The following TNFRSF8 variants were observed in gnomAD, a reference collection of about 807,000 sequenced individuals.
TNFRSF8 encodes tumor necrosis factor receptor superfamily member 8.
Under a neutral mutation model 70.8 loss-of-function variants are expected in TNFRSF8, and 26 were observed. The observed-to-expected ratio is 0.37, with a 90% CI of 0.27 to 0.51. TNFRSF8 has a LOEUF of 0.51. TNFRSF8 is among the 20% of genes least tolerant of loss of function. The pLI is 0.94. For missense variants in TNFRSF8, 720 were observed against 807.9 expected (o/e 0.89, Z 1.32); for synonymous variants, 356 against 339.2 (o/e 1.05, Z -0.54).
rs1342365711 is a variant in TNFRSF8 at position 12,090,977 on chromosome 1, T to G, written c.152-6124T>G. Reference sequence around the variant, plus strand: ...CACTAGGATAGGCCCAAATCCAATATGACTGGTGCCTTTATAAAAGGAAAT... The same window carrying G: ...CACTAGGATAGGCCCAAATCCAATAGGACTGGTGCCTTTATAAAAGGAAAT... On this transcript the variant is annotated intron_variant, in intron 2 of 14. Coordinates refer to ENST00000263932, the MANE Select transcript of TNFRSF8 (RefSeq NM_001243.5). Among the ~76,000 whole-genome samples the G allele has an allele frequency of 1.3e-5, 2 of 152,270 alleles. 1 individual carries two copies. Among genetic ancestry groups the G allele is most frequent in the South Asian group, 4.1e-4 (2 of 4,824 alleles).
chr1:12,111,353 C>G (rs945875550), intron 6 of TNFRSF8, among the ~76,000 whole-genome samples: 4 of 151,544 alleles, frequency 2.6e-5, no homozygotes, highest in Non-Finnish European at 5.9e-5. Flanking sequence ...GGCTACTTTT[C>G]TTTTTTTTAG....
chr1:12,128,502 T>TG (rs1336923020), intron 12 of TNFRSF8, among the ~76,000 whole-genome samples: 1 of 152,190 alleles, frequency 6.6e-6, no homozygotes, highest in African/African-American at 2.4e-5. Flanking sequence ...CGGTGGCCTG[T>TG]GAGGTACTTA....
chr1:12,129,709 C>G (rs1029792431), intron 12 of TNFRSF8, among the ~76,000 whole-genome samples: 1 of 152,192 alleles, frequency 6.6e-6, no homozygotes, highest in African/African-American at 2.4e-5. Flanking sequence ...CCTCTTCTCT[C>G]TCAGGGCGTC....
chr1:12,131,918 C>T (rs1360049021), intron 12 of TNFRSF8, among the ~76,000 whole-genome samples: 4 of 152,024 alleles, frequency 2.6e-5, no homozygotes, highest in Admixed American at 6.6e-5. Flanking sequence ...CTCAGCCTCC[C>T]GAGTAGCTGG....
intron 9 of TNFRSF8, 40 bp downstream of exon 9, chr1:12,123,417 G>A: frequency 6.4e-7 from 1 of 1,554,662 alleles, no homozygotes; most frequent in Admixed American, 1.8e-5. Context: ...GCTGCTGCAG[G>A]AGGGAGCTGT....
intron 1 of TNFRSF8, among the ~76,000 whole-genome samples, chr1:12,064,249 C>T (rs778241220): frequency 5.3e-5 from 8 of 152,138 alleles, no homozygotes; most frequent in Non-Finnish European, 1.2e-4. Flanking sequence ...CGCTGGAGCA[C>T]GTGGTGGGCA....
intron 3 of TNFRSF8, among the ~76,000 whole-genome samples, chr1:12,103,613 G>T (rs1641463586): frequency 6.6e-6 from 1 of 152,048 alleles, no homozygotes; most frequent in Non-Finnish European, 1.5e-5. Context: ...GGGACTACAG[G>T]CATGTGCTAC....
chr1:12,111,826 T>A (rs1421111666), intron 6 of TNFRSF8, 72 bp from the exon 7 acceptor site: 6 of 1,290,896 alleles, frequency 4.6e-6, no homozygotes, highest in Non-Finnish European at 6.8e-6. Context: ...GATGGGGGGC[T>A]TCAGGGTTGG....
chr1:12,143,667 T>G lies in TNFRSF8; in HGVS notation c.*1136T>G, dbSNP rs1236273252. The stretch of plus-strand genomic sequence containing the variant: ...ATTTTGGGTTTTTCACATTTCACGC[T>G]AAGGAGTAGTGGCCCTGACTTCCGG... On this transcript the variant is annotated 3_prime_UTR_variant, in exon 15 of 15. Transcript: ENST00000263932. This position sits in a 1 kb window ranked among gnomAD's most constrained non-coding sequence, Gnocchi z 4.1. The G allele has an allele frequency of 6.6e-6, 1 of 152,248 alleles. No homozygotes were observed. The highest frequency in any genetic ancestry group is 1.5e-5 in the Non-Finnish European group (1 of 68,096). 9.4% of individuals were successfully genotyped at this position (152,248 alleles called of 1,614,324 possible).
chr1:12,085,738 G>A (rs1019732048), intron 2 of TNFRSF8, among the ~76,000 whole-genome samples: 2 of 152,202 alleles, frequency 1.3e-5, no homozygotes, highest in African/African-American at 4.8e-5. Context: ...GGTGAGTGTT[G>A]TTCCTTCCAT....
chr1:12,077,676 G>C (rs1056272559), intron 1 of TNFRSF8, among the ~76,000 whole-genome samples: 4 of 152,154 alleles, frequency 2.6e-5, no homozygotes, highest in Non-Finnish European at 4.4e-5. Flanking sequence ...CATGAGTGAG[G>C]TCTCAAGGAT....
chr1:12,116,717 T>C (rs1458035006), intron 8 of TNFRSF8, among the ~76,000 whole-genome samples: 6 of 152,038 alleles, frequency 3.9e-5, no homozygotes, highest in East Asian at 1.9e-4. Flanking sequence ...GGAGAATCGC[T>C]TGAACCCGGG....
In TNFRSF8 at chr1:12,112,691, C is replaced by T. The variant is rs191767551; in HGVS notation, c.793+677C>T. On this transcript the variant is annotated intron_variant, in intron 7 of 14. Coordinates refer to ENST00000263932, the MANE Select transcript of TNFRSF8 (RefSeq NM_001243.5). This position sits in a 1 kb window ranked among gnomAD's most constrained non-coding sequence, Gnocchi z 5.3. ...GATTATAGGCATGAGCCACCATGCCCGGCCTGCGAGCTGTTTTGACAAGCA... is the reference window on the plus strand; with the variant it reads ...GATTATAGGCATGAGCCACCATGCCTGGCCTGCGAGCTGTTTTGACAAGCA... Among the ~76,000 whole-genome samples, 22 of 152,316 alleles carry T rather than the reference C, an allele frequency of 1.4e-4. No individual in the cohort carries two copies. Among genetic ancestry groups the T allele is most frequent in the Middle Eastern group, 3.4e-3 (1 of 294 alleles).
At chr1:12,064,408 C>A (rs914560086) in intron 1 of TNFRSF8, among the ~76,000 whole-genome samples, 2 of 152,144 alleles carry the variant, frequency 1.3e-5, no homozygotes, top group East Asian at 1.9e-4. Flanking sequence ...AGTAACCAGG[C>A]GTGTTTCACG....
At chr1:12,064,792 G>T (rs2100935282) in intron 1 of TNFRSF8, among the ~76,000 whole-genome samples, 1 of 152,326 alleles carries the variant, frequency 6.6e-6, no homozygotes, top group East Asian at 1.9e-4. Context: ...AGGGCAGAGG[G>T]GACAAAGCCC....
chr1:12,087,165 C>CTT (rs71230982), intron 2 of TNFRSF8, among the ~76,000 whole-genome samples: 10,131 of 83,880 alleles, frequency 0.12, 2,101 homozygotes, highest in African/African-American at 0.14. Flanking sequence ...CTCTCTCTCT[C>CTT]TTTTTTTTTT....
chr1:12,123,793 T>A lies in TNFRSF8; in HGVS notation c.1119T>A (p.Ala373=), dbSNP rs375546475. 6.3e-7 allele frequency: 1 copy of A among 1,576,018 alleles called. No homozygotes were observed. Among genetic ancestry groups the A allele is most frequent in the Non-Finnish European group, 8.6e-7 (1 of 1,160,338 alleles). The change falls in exon 10 of 15, where the codon GCT becomes GCA. Residue 373 remains alanine (A), a synonymous_variant. Coordinates refer to ENST00000263932, the MANE Select transcript of TNFRSF8 (RefSeq NM_001243.5). Reference sequence around the variant, plus strand: ...CCATCCCAACCAGCGCTCCCGTCGCTCTCTCCTCCACGGGGAAGCCCGTTC... The same window carrying A: ...CCATCCCAACCAGCGCTCCCGTCGCACTCTCCTCCACGGGGAAGCCCGTTC... ...TLPIPTSAPV[A]LSSTGKPVLD... is the part of the protein sequence containing the mutation.
At chr1:12,068,088 CAT>C (rs1179119747) in intron 1 of TNFRSF8, among the ~76,000 whole-genome samples, 1 of 152,182 alleles carries the variant, frequency 6.6e-6, no homozygotes, top group Non-Finnish European at 1.5e-5. Flanking sequence ...TGCTCCCACT[CAT>C]ATCTGACTTA....
intron 6 of TNFRSF8, 79 bp from the exon 7 acceptor site, chr1:12,111,819 G>C (rs760312518): frequency 5.0e-5 from 59 of 1,175,742 alleles, no homozygotes; most frequent in Middle Eastern, 2.0e-4. Flanking sequence ...GGTGAGGGAT[G>C]GGGGGCTTCA....
Sources: allele counts gnomAD v4.1 joint callset (sites outside exome capture counted in the v4.1 genomes callset), GRCh38; gene constraint gnomAD v4.1.1; non-coding constraint Gnocchi (gnomAD v3.1); transcripts MANE v1.5; gene names NCBI Gene and HGNC (gene_info 2026-07-23, HGNC 2026-07-21).